Variants in LENG8 observed in about 807,000 individuals in gnomAD.
LENG8 encodes leukocyte receptor cluster member 8.
In LENG8, 28 loss-of-function variants were observed where a neutral mutation model predicts 102.1. The ratio of observed to expected loss-of-function variants is 0.27; its 90% confidence interval spans 0.20 to 0.38. The LOEUF is 0.38. LENG8 is among the 10% of genes least tolerant of loss of function. LENG8 has a pLI of 1.00. For synonymous variants in LENG8, 531 were observed against 456.7 expected, an observed-to-expected ratio of 1.16 and a Z score of -2.07; for missense variants, 1,022 against 1,113.9, an observed-to-expected ratio of 0.92 and a Z score of 1.17.
At position 54,457,417 on chromosome 19, in the gene LENG8, C is replaced by T. The variant is rs550441680; in HGVS notation, c.1732-330C>T. Among the ~76,000 whole-genome samples, 278 of 152,254 alleles carry T rather than the reference C, an allele frequency of 1.8e-3. 1 individual carries two copies. Among genetic ancestry groups the T allele is most frequent in the African/African-American group, 6.4e-3 (264 of 41,552 alleles). On this transcript the variant is annotated intron_variant, in intron 11 of 15. Transcript: ENST00000326764. ...GTGCAATGGCGTGATCTTGGCTCAC[C>T]GCAGCCTCCGCTCCCCGGCTTCAAG...
chr19:54,455,172 C>T, intron 7 of LENG8, 80 bp downstream of exon 7: 1 of 1,581,230 alleles, frequency 6.3e-7, no homozygotes, highest in Non-Finnish European at 8.7e-7. Context: ...GGCCAGCTGC[C>T]CACCCTGAGC....
At position 54,458,465 on chromosome 19, in the gene LENG8, C is replaced by T. The variant is rs777123061; in HGVS notation, c.2184C>T (p.Leu728=). The change falls in exon 15 of 16, where the codon CTC becomes CTT. Residue 728 remains leucine (L), a synonymous_variant. Transcript: ENST00000326764. ...YCHAPCMSGY[L]VDKFADRERK... is the part of the protein sequence containing the mutation. ...ATGCACCCTGCATGTCTGGCTACCT[C>T]GTGGACAAGTTTGCAGATCGGGAGC... The T allele has an allele frequency of 9.3e-6, 15 of 1,614,276 alleles. No individual in the cohort carries two copies. In the South Asian group the frequency reaches 1.4e-4, roughly 15 times the overall value.
Position 54,453,596 on chromosome 19 carries a change from CTATGGCTCA to C in LENG8, c.367_375del (p.Tyr123_Ser125del). ...CTTCCCAGTATGGGATGGCCGGCTCCTATGGCTCAGCCACACCCCAGCAGCCATCCGCAC... is the reference window on the plus strand; with the variant it reads ...CTTCCCAGTATGGGATGGCCGGCTCCGCCACACCCCAGCAGCCATCCGCAC... On this transcript the variant is annotated inframe_deletion, in exon 5 of 16. Coordinates refer to ENST00000326764, the MANE Select transcript of LENG8 (RefSeq NM_052925.4). The C allele has an allele frequency of 6.2e-7, 1 of 1,614,078 alleles. No individual in the cohort carries two copies. Among genetic ancestry groups the C allele is most frequent in the African/African-American group, 1.3e-5 (1 of 75,026 alleles).
At chr19:54,450,022 A>G (rs2083882701) in intron 1 of LENG8, among the ~76,000 whole-genome samples, 1 of 152,140 alleles carries the variant, frequency 6.6e-6, no homozygotes, top group Non-Finnish European at 1.5e-5. Context: ...TGCGGGATTA[A>G]TTATCCTACT....
rs1299367385 is a variant in LENG8, at chr19:54,460,810, C to T, written c.2285C>T (p.Ala762Val). ...GTCTCCTACCTGCAGGCCGAGCTGG[C>T]CTTCGAGGGCGAGGCCGCCTGCCGG... is the stretch of plus-strand genomic sequence containing the variant. ...LPVSYLQAEL[A>V]FEGEAACRAF... is the part of the protein sequence containing the mutation. Residue 762 changes from alanine to valine, a missense_variant, in exon 16 of 16, where the codon GCC (alanine) becomes GTC (valine). Transcript: ENST00000326764. 1 of 1,475,736 alleles carries T rather than the reference C, an allele frequency of 6.8e-7. No homozygotes were observed. The allele number at this position is 1,475,736 out of a possible 1,614,324, so 91.4% of individuals were successfully genotyped here. A position where few individuals can be genotyped will look rare whatever the true frequency, so the allele number is the denominator to read the frequency against.
At position 54,455,515 on chromosome 19, in the gene LENG8, C is replaced by T. The variant is rs141287435; in HGVS notation, c.973C>T (p.Leu325=). 4.5e-5 allele frequency: 72 copies of T among 1,613,884 alleles called. No homozygotes were observed. In the African/African-American group the frequency reaches 9.1e-4, roughly 20 times the overall value. ...KLLKEVLQAR[L]QDGSAYTIDW... ...GCTCAAGGAGGTGCTGCAGGCGCGG[C>T]TGCAGGACGGCTCGGCCTATACCAT... The change falls in exon 8 of 16, where the codon CTG becomes TTG. Residue 325 remains leucine (L), a synonymous_variant. Transcript: ENST00000326764.
In LENG8 at chr19:54,456,460, G is replaced by A. The variant is rs1397440541; in HGVS notation, c.1440G>A (p.Gly480=). The change falls in exon 10 of 16, where the codon GGG becomes GGA. Residue 480 remains glycine, a synonymous_variant. Transcript: ENST00000326764. The part of the protein sequence containing the change: ...MDRGRGRAQR[G]KRHDLAPTKR... ...GGGGCCGAGGCAGGGCGCAGCGTGG[G>A]AAGAGGTGAGACTGTGTGAGGGCTC... The A allele has an allele frequency of 6.2e-7, 1 of 1,604,308 alleles. No individual in the cohort carries two copies. The highest frequency in any genetic ancestry group is 8.5e-7 in the Non-Finnish European group (1 of 1,178,298).
chr19:54,452,606 T>C lies in LENG8; in HGVS notation c.214-45T>C, dbSNP rs570696003. On this transcript the variant is annotated intron_variant, in intron 3 of 15. Transcript: ENST00000326764. ...GCTTGCCCTTTGGGGGCCGTGTGCC[T>C]GTGGATTTGGGCTGCTGACGGCACA... The C allele has an allele frequency of 4.0e-6, 6 of 1,495,594 alleles. No homozygotes were observed. In the South Asian group the frequency reaches 6.8e-5, roughly 17 times the overall value. The allele number at this position is 1,495,594 out of a possible 1,614,324, so 92.6% of individuals were successfully genotyped here. A position where few individuals can be genotyped will look rare whatever the true frequency, so the allele number is the denominator to read the frequency against.
chr19:54,460,717 C>CAGG (rs2123222889), intron 15 of LENG8, 49 bp from the exon 16 acceptor site: 191 of 1,359,718 alleles, frequency 1.4e-4, no homozygotes, highest in Middle Eastern at 2.6e-4. Context: ...GGGCCCTCCC[C>CAGG]TGCCCTCCCG....
rs1413569926 is a variant in LENG8, at chr19:54,454,610, G to T, written c.607G>T (p.Ala203Ser). Reference protein sequence around the residue: ...HSQAGPATGQAYGPHTYTEPA... With the variant: ...HSQAGPATGQSYGPHTYTEPA... Reference sequence around the variant, plus strand: ...CCAGGCGGGGCCCGCCACGGGCCAGGCCTATGGGCCACACACCTACACCGA... The same window carrying T: ...CCAGGCGGGGCCCGCCACGGGCCAGTCCTATGGGCCACACACCTACACCGA... The change falls in exon 6 of 16, where the codon GCC becomes TCC. Residue 203 changes from alanine to serine, a missense_variant. Transcript: ENST00000326764. 1.2e-6 allele frequency: 2 copies of T among 1,610,574 alleles called. No homozygotes were observed.
chr19:54,459,101 G>C, intron 15 of LENG8: 7 of 1,378,566 alleles, frequency 5.1e-6, no homozygotes, highest in Non-Finnish European at 6.5e-6. Context: ...TGTGGGTGGG[G>C]ATGAGTTGCT....
intron 5 of LENG8, 152 bp downstream of exon 5, chr19:54,453,808 T>C: frequency 1.6e-6 from 1 of 626,410 alleles, no homozygotes; most frequent in South Asian, 2.0e-5. Context: ...CAGAGCATAG[T>C]GTTTGAACCT....
rs747994504 is a variant in LENG8 at position 54,461,124 on chromosome 19, A to G, written c.*196A>G. The G allele has an allele frequency of 6.6e-5, 57 of 864,870 alleles. No individual in the cohort carries two copies. The highest frequency in any genetic ancestry group is 4.9e-4 in the Admixed American group (23 of 46,592). The allele number at this position is 864,870 out of a possible 1,614,324, so 53.6% of individuals were successfully genotyped here. ...TTTCTACGTTTTTATTTTTTGCCTCAGAGGGATGGGATTGGGGAGGAGGGG... is the reference window on the plus strand; with the variant it reads ...TTTCTACGTTTTTATTTTTTGCCTCGGAGGGATGGGATTGGGGAGGAGGGG... On this transcript the variant is annotated 3_prime_UTR_variant, in exon 16 of 16. Coordinates refer to ENST00000326764, the MANE Select transcript of LENG8 (RefSeq NM_052925.4).
intron 3 of LENG8, 100 bp downstream of exon 3, chr19:54,452,367 G>C: frequency 8.8e-7 from 1 of 1,136,398 alleles, no homozygotes; most frequent in Non-Finnish European, 1.2e-6. Flanking sequence ...TGCTCTGAGG[G>C]GAAACATGAA....
At position 54,456,884 on chromosome 19, in the gene LENG8, C is replaced by T; in HGVS notation, c.1694C>T (p.Thr565Ile). ...PDITKHYLRL[T>I]CAPDPSTVRP... ...ATCACCAAGCACTACCTGCGCCTCA[C>T]CTGTGCCCCCGACCCGTCCACCGTG... is the stretch of plus-strand genomic sequence containing the variant. The change falls in exon 11 of 16, where the codon ACC becomes ATC. Residue 565 changes from threonine to isoleucine, a missense_variant. Coordinates refer to ENST00000326764, the MANE Select transcript of LENG8 (RefSeq NM_052925.4). 2 of 1,609,668 alleles carry T rather than the reference C, an allele frequency of 1.2e-6. No homozygotes were observed. The highest frequency in any genetic ancestry group is 1.7e-6 in the Non-Finnish European group (2 of 1,179,812).
intron 15 of LENG8, 131 bp from the exon 16 acceptor site, chr19:54,460,635 G>C: frequency 7.0e-7 from 1 of 1,435,358 alleles, no homozygotes; most frequent in Non-Finnish European, 9.1e-7. Context: ...CTGGGAGGCG[G>C]GTGGGGAGCC....
At chr19:54,460,297 G>A (rs1464734517) in intron 15 of LENG8, 4 of 1,251,096 alleles carry the variant, frequency 3.2e-6, no homozygotes, top group African/African-American at 1.5e-5. Context: ...AGCAGCAGCC[G>A]GAAGTGACTG....
At chr19:54,457,897 G>T (rs573901534) in intron 12 of LENG8, 37 bp from the exon 13 acceptor site, 1 of 1,613,744 alleles carries the variant, frequency 6.2e-7, no homozygotes, top group African/African-American at 1.3e-5. Flanking sequence ...CCTGCCTCCC[G>T]CTCCTTGTGA....
Position 54,458,347 on chromosome 19 carries a change from A to G in LENG8, c.2066A>G (p.Glu689Gly). The G allele has an allele frequency of 6.2e-7, 1 of 1,614,120 alleles. No homozygotes were observed. The highest frequency in any genetic ancestry group is 8.5e-7 in the Non-Finnish European group (1 of 1,180,026). ...ACGGAGCTGGCATACCTCACACGAG[A>G]ACTGAAGGCAGATCCTTGCGTGGCC... Reference protein sequence around the residue: ...ITTELAYLTRELKADPCVAHA... With the variant: ...ITTELAYLTRGLKADPCVAHA... The change falls in exon 15 of 16, where the codon GAA (glutamate) becomes GGA (glycine). Residue 689 changes from glutamate (E) to glycine (G), a missense_variant. By Grantham distance (98) the Glu-to-Gly change is moderately conservative (BLOSUM62 -2). Transcript: ENST00000326764.
Sources: gnomAD v4.1 joint callset for allele counts (sites outside exome capture counted in the v4.1 genomes callset) on GRCh38, gnomAD v4.1.1 for gene constraint, MANE v1.5 for transcripts, NCBI Gene and HGNC (gene_info 2026-07-23, HGNC 2026-07-21) for gene names.